Variants in FAT3 observed in about 807,000 individuals in gnomAD.
FAT3 encodes the protein protocadherin Fat 3.
FAT3 carries 95 observed loss-of-function variants against 310.2 expected under a neutral mutation model. The observed-to-expected ratio is 0.31, with a 90% confidence interval of 0.26 to 0.36. The LOEUF (loss-of-function observed/expected upper bound fraction) is 0.36. Among genes scored for constraint, FAT3 ranks in the 10% least tolerant of loss-of-function variants. The probability of loss-of-function intolerance (pLI) is 1.00; values close to 1 mark genes in which losing one functional copy is unlikely to be tolerated. For missense variants in FAT3, 5,408 were observed against 5,715.6 expected (o/e 0.95, Z 1.74); for synonymous variants, 2,314 against 2,192.9 (o/e 1.06, Z -1.54).
At chr11:92,825,737 G>A (rs1948084844) in intron 13 of FAT3, among the ~76,000 whole-genome samples, 2 of 152,054 alleles carry the variant, frequency 1.3e-5, no homozygotes, top group South Asian at 2.1e-4. Context: ...TGAGAAGCTG[G>A]GGCAAGCCTG....
At chr11:92,738,503 A>G (rs1438233148) in intron 4 of FAT3, among the ~76,000 whole-genome samples, 2 of 152,186 alleles carry the variant, frequency 1.3e-5, no homozygotes, top group Non-Finnish European at 2.9e-5. Context: ...CGCAAGGACC[A>G]TGTTTTTGTT....
intron 1 of FAT3, among the ~76,000 whole-genome samples, chr11:92,247,725 G>GTTTTTTT (rs139681837): frequency 7.1e-6 from 1 of 141,692 alleles, no homozygotes; most frequent in Non-Finnish European, 1.5e-5. Flanking sequence ...AGGTTCACCT[G>GTTTTTTT]TTTTTTTTTT....
At chr11:92,696,021 A>G (rs961442142) in intron 3 of FAT3, among the ~76,000 whole-genome samples, 6 of 152,192 alleles carry the variant, frequency 3.9e-5, no homozygotes, top group African/African-American at 7.2e-5. Flanking sequence ...CAAAAAAATG[A>G]TAAGTATTGT....
intron 2 of FAT3, among the ~76,000 whole-genome samples, chr11:92,392,484 G>A (rs888618125): frequency 5.3e-5 from 8 of 152,068 alleles, no homozygotes; most frequent in Admixed American, 1.3e-4. Flanking sequence ...CTGGCTGACC[G>A]CAATTTATCC....
chr11:92,705,528 TGGTGGTGTG>T (rs1944270652), intron 4 of FAT3, among the ~76,000 whole-genome samples: 1 of 77,434 alleles, frequency 1.3e-5, no homozygotes, highest in Non-Finnish European at 2.5e-5. Context: ...GTGGTGTTGG[TGGTGGTGTG>T]ATGGTGTGAT....
intron 3 of FAT3, among the ~76,000 whole-genome samples, chr11:92,559,089 A>G (rs1274605702): frequency 1.3e-5 from 2 of 152,190 alleles, no homozygotes; most frequent in Non-Finnish European, 2.9e-5. Context: ...TTATGATAAT[A>G]TAGTATTTAA....
intron 3 of FAT3, among the ~76,000 whole-genome samples, chr11:92,646,627 A>G (rs1942178388): frequency 1.3e-5 from 2 of 152,240 alleles, no homozygotes; most frequent in Admixed American, 1.3e-4. Flanking sequence ...ACATTAATGC[A>G]GAGTAAGAAA....
In FAT3 at chr11:92,799,041, C is replaced by T. The variant is rs1302145611; in HGVS notation, c.6028C>T (p.Arg2010Cys). ...KVAIVNAVGN[R>C]LNEPLKYSIL... ...TGCTATTGTCAATGCAGTTGGAAAT[C>T]GCCTTAATGAGCCCTTAAAATACAG... Residue 2010 changes from arginine (R) to cysteine (C), a missense_variant, in exon 10 of 28, where the codon CGC (arginine) becomes TGC (cysteine). Physicochemically the swap from Arg to Cys is radical, Grantham distance 180. This residue lies in a region of FAT3 where 4,588 missense variants were observed against 4,809.8 expected (regional missense o/e 0.95). Transcript: ENST00000525166. The T allele has an allele frequency of 1.9e-6, 3 of 1,613,908 alleles. No homozygotes were observed. Among genetic ancestry groups the T allele is most frequent in the South Asian group, 2.2e-5 (2 of 91,068 alleles).
intron 13 of FAT3, among the ~76,000 whole-genome samples, chr11:92,822,102 C>A (rs1309233652): frequency 6.6e-6 from 1 of 152,090 alleles, no homozygotes; most frequent in Non-Finnish European, 1.5e-5. Context: ...TATCATTACC[C>A]TTTTAAACAT....
intron 1 of FAT3, among the ~76,000 whole-genome samples, chr11:92,245,525 AT>A (rs1252768615): frequency 3.9e-5 from 6 of 152,058 alleles, no homozygotes; most frequent in African/African-American, 1.4e-4. Context: ...TTCCTAGATA[AT>A]GTCAATGCTG....
At chr11:92,382,232 G>A (rs891075115) in intron 2 of FAT3, among the ~76,000 whole-genome samples, 16 of 152,078 alleles carry the variant, frequency 1.1e-4, no homozygotes, top group Admixed American at 4.6e-4. Context: ...TGAAAGTTGC[G>A]TGAGTCTTAA....
rs114186863 is a variant in FAT3 at position 92,695,115 on chromosome 11, A to G, written c.3608-2269A>G. On this transcript the variant is annotated intron_variant, in intron 3 of 27. Coordinates refer to ENST00000525166, the MANE Select transcript of FAT3 (RefSeq NM_001367949.2). ...CCCACACCCACACCCACTGAGCCCA[A>G]TGCTCTGATCTAGATGCTAGAGCAG... Among the ~76,000 whole-genome samples the G allele has an allele frequency of 8.3e-3, 1,262 of 152,180 alleles. 20 individuals carry two copies. The highest frequency in any genetic ancestry group is 0.027 in the African/African-American group (1,138 of 41,526).
At chr11:92,697,968 G>A (rs1943988775) in intron 4 of FAT3, among the ~76,000 whole-genome samples, 1 of 152,162 alleles carries the variant, frequency 6.6e-6, no homozygotes, top group Admixed American at 6.5e-5. Flanking sequence ...CTCTAAAAGT[G>A]TTATTTCTGG....
In FAT3 at chr11:92,844,740, C is replaced by T. The variant is rs553584823; in HGVS notation, c.11365+8C>T. ...TGCGTTGCACCTGCAATGGTGAGTG[C>T]AGTTTTGAGTGTTCCCTCTCAACTC... On this transcript the variant is annotated splice_region_variant and intron_variant, in intron 19 of 27. Transcript: ENST00000525166. The T allele has an allele frequency of 4.1e-5, 61 of 1,502,390 alleles. 3 individuals carry two copies. The South Asian group carries it at 4.4e-4, about 11-fold the overall frequency. The allele number at this position is 1,502,390 out of a possible 1,614,324, so 93.1% of individuals were successfully genotyped here.
At chr11:92,517,276 A>G (rs2135333551) in intron 2 of FAT3, among the ~76,000 whole-genome samples, 1 of 152,336 alleles carries the variant, frequency 6.6e-6, no homozygotes, top group South Asian at 2.1e-4. Flanking sequence ...ACTGATACCA[A>G]AACAAATATA....
intron 3 of FAT3, among the ~76,000 whole-genome samples, chr11:92,585,545 A>G (rs1939094085): frequency 6.6e-6 from 1 of 152,078 alleles, no homozygotes; most frequent in East Asian, 1.9e-4. Context: ...AATTATTCCT[A>G]CAAAGCACCG....
intron 16 of FAT3, among the ~76,000 whole-genome samples, chr11:92,837,162 A>T (rs1256467010): frequency 1.3e-5 from 2 of 152,202 alleles, no homozygotes; most frequent in African/African-American, 4.8e-5. Context: ...AAAAATATTC[A>T]TCTTCGAAGG....
chr11:92,790,162 T>C lies in FAT3; in HGVS notation c.4555T>C (p.Tyr1519His). 1 of 1,613,782 alleles carries C rather than the reference T, an allele frequency of 6.2e-7. No homozygotes were observed. The highest frequency in any genetic ancestry group is 8.5e-7 in the Non-Finnish European group (1 of 1,179,698). Residue 1519 changes from tyrosine to histidine, a missense_variant, in exon 8 of 28, where the codon TAT becomes CAT. Around this residue, in one of 5 missense-constraint regions of FAT3, gnomAD observed 4,588 missense variants for 4,809.8 expected, o/e 0.95. Transcript: ENST00000525166. ...GATTGACCCTAGCACTGGCGTGCTC[T>C]ATACTGCCGAGAGGCTGGACCATGA... is the stretch of plus-strand genomic sequence containing the variant. The part of the protein sequence containing the change: ...FRIDPSTGVL[Y>H]TAERLDHEAQ...
intron 3 of FAT3, among the ~76,000 whole-genome samples, chr11:92,554,727 T>C (rs1301409026): frequency 6.6e-6 from 1 of 152,156 alleles, no homozygotes; most frequent in Non-Finnish European, 1.5e-5. Context: ...CTATTGCCCA[T>C]ACATGCTGGT....
Sources: gnomAD v4.1 joint callset for allele counts (sites outside exome capture counted in the v4.1 genomes callset) on GRCh38, gnomAD v4.1.1 for gene constraint, gnomAD v4.1.1 regional missense constraint, MANE v1.5 for transcripts, NCBI Gene and HGNC (gene_info 2026-07-23, HGNC 2026-07-21) for gene names.